Variants in CLSTN2 observed in about 807,000 individuals in gnomAD.
CLSTN2 encodes the protein calsyntenin 2.
A neutral mutation model predicts 101.2 loss-of-function variants in CLSTN2; 48 were observed. That is an observed-to-expected ratio of 0.47 (90% confidence interval 0.38 to 0.60). The LOEUF is 0.60. Among genes scored for constraint, CLSTN2 ranks in the 20% least tolerant of loss-of-function variants. The pLI is 0.00. For missense variants in CLSTN2, 1,160 were observed against 1,238.2 expected, an observed-to-expected ratio of 0.94 and a Z score of 0.95; for synonymous variants, 481 against 463.6, an observed-to-expected ratio of 1.04 and a Z score of -0.48.
At chr3:140,451,937 C>G (rs1933261610) in intron 6 of CLSTN2, among the ~76,000 whole-genome samples, 1 of 152,094 alleles carries the variant, frequency 6.6e-6, no homozygotes, top group Non-Finnish European at 1.5e-5. Context: ...ATGGTCTAAG[C>G]AAGAGATAAT....
intron 12 of CLSTN2, among the ~76,000 whole-genome samples, 170 bp from the exon 13 acceptor site, chr3:140,561,968 C>A (rs921598174): frequency 1.3e-5 from 2 of 152,172 alleles, no homozygotes; most frequent in African/African-American, 4.8e-5. Flanking sequence ...AATTCATCCT[C>A]AGGGATGCCT....
chr3:140,260,335 A>G (rs1198730845), intron 2 of CLSTN2, among the ~76,000 whole-genome samples: 1 of 151,910 alleles, frequency 6.6e-6, no homozygotes, highest in Non-Finnish European at 1.5e-5. Context: ...ATTAAGTATG[A>G]TATTAGAAGT....
rs184637588 is a variant in CLSTN2, at chr3:140,128,637, A to C, written c.110-47314A>C. ...TGATGGAAGTGTGACCTTCCTTTTG[A>C]TGGAGAGGATCAGCTGCATTACAGT... On this transcript the variant is annotated intron_variant, in intron 1 of 16. Transcript: ENST00000458420. 2.2e-3 allele frequency among the ~76,000 whole-genome samples: 332 copies of C among 152,284 alleles called. 1 individual carries two copies. Among genetic ancestry groups the C allele is most frequent in the African/African-American group, 6.0e-3 (248 of 41,566 alleles).
intron 8 of CLSTN2, among the ~76,000 whole-genome samples, chr3:140,483,082 T>G (rs1576592358): frequency 6.6e-6 from 1 of 152,338 alleles, no homozygotes; most frequent in East Asian, 1.9e-4. Context: ...GGGCATTTAG[T>G]GCTATAAATT....
chr3:140,324,424 A>G (rs1343729441), intron 2 of CLSTN2, among the ~76,000 whole-genome samples: 1 of 152,248 alleles, frequency 6.6e-6, no homozygotes, highest in Non-Finnish European at 1.5e-5. Context: ...TAAAGGATGC[A>G]TATACACCAC....
At chr3:140,040,209 T>C (rs1168484703) in intron 1 of CLSTN2, among the ~76,000 whole-genome samples, 1 of 152,178 alleles carries the variant, frequency 6.6e-6, no homozygotes, top group Non-Finnish European at 1.5e-5. Flanking sequence ...TGTCTTTCAA[T>C]GACCCCCTAC....
intron 9 of CLSTN2, among the ~76,000 whole-genome samples, chr3:140,545,532 G>T (rs987865606): frequency 1.2e-4 from 19 of 152,208 alleles, no homozygotes; most frequent in African/African-American, 4.6e-4. Flanking sequence ...TCTATGCGTT[G>T]TTCTTCTTCT....
intron 1 of CLSTN2, among the ~76,000 whole-genome samples, chr3:140,011,987 T>C (rs1393401357): frequency 1.3e-5 from 2 of 151,976 alleles, no homozygotes; most frequent in Non-Finnish European, 2.9e-5. Context: ...AAACCTGAGA[T>C]TCTAATTGTG....
chr3:140,566,508 G>A lies in CLSTN2; in HGVS notation c.*255G>A. ...CCTGTAGCCTCCACTTCTGCCCTAA[G>A]TTCCCCAGCATCCTGACTACCTGTC... On this transcript the variant is annotated 3_prime_UTR_variant, in exon 17 of 17. Transcript: ENST00000458420. 1.9e-6 allele frequency: 1 copy of A among 519,802 alleles called. No homozygotes were observed. Among genetic ancestry groups the A allele is most frequent in the Non-Finnish European group, 3.5e-6 (1 of 289,312 alleles). The allele number at this position is 519,802 out of a possible 1,614,324, so 32.2% of individuals were successfully genotyped here.
chr3:140,427,464 T>G (rs1455120998), intron 5 of CLSTN2, among the ~76,000 whole-genome samples: 1 of 151,844 alleles, frequency 6.6e-6, no homozygotes, highest in African/African-American at 2.4e-5. Context: ...GAGTCCATTT[T>G]AGAGAAAAGA....
At chr3:139,941,706 G>T (rs1339547580) in intron 1 of CLSTN2, among the ~76,000 whole-genome samples, 1 of 152,186 alleles carries the variant, frequency 6.6e-6, no homozygotes, top group African/African-American at 2.4e-5. Context: ...AGGGGCAGGG[G>T]TTTGCACTGG....
intron 5 of CLSTN2, among the ~76,000 whole-genome samples, chr3:140,422,974 A>G (rs531141312): frequency 6.6e-6 from 1 of 152,358 alleles, no homozygotes; most frequent in Admixed American, 6.5e-5. Context: ...GCTCCAATGA[A>G]CGTGTGGCCT....
At chr3:140,456,072 TG>T (rs1469670781) in intron 6 of CLSTN2, among the ~76,000 whole-genome samples, 1 of 152,148 alleles carries the variant, frequency 6.6e-6, no homozygotes, top group Non-Finnish European at 1.5e-5. Flanking sequence ...GTCATATGAT[TG>T]GCCCCCTGAA....
chr3:140,486,165 C>T (rs1000951062), intron 8 of CLSTN2, among the ~76,000 whole-genome samples: 1 of 151,794 alleles, frequency 6.6e-6, no homozygotes, highest in Admixed American at 6.6e-5. Context: ...ATGTGTATGA[C>T]AAACAACATT....
chr3:140,322,057 T>C (rs35501742), intron 2 of CLSTN2, among the ~76,000 whole-genome samples: 73,667 of 152,122 alleles, frequency 0.48, 18,720 homozygotes, highest in Non-Finnish European at 0.58. Context: ...AGGGGAAAGG[T>C]AGCCCTGGGA....
intron 2 of CLSTN2, among the ~76,000 whole-genome samples, chr3:140,352,614 A>T (rs1021430092): frequency 1.3e-5 from 2 of 152,218 alleles, no homozygotes; most frequent in African/African-American, 4.8e-5. Flanking sequence ...ATTAACAATG[A>T]TACTTACCTA....
chr3:140,282,908 A>T (rs1012264914), intron 2 of CLSTN2, among the ~76,000 whole-genome samples: 2 of 152,178 alleles, frequency 1.3e-5, no homozygotes, highest in African/African-American at 4.8e-5. Context: ...GGACTTTTCC[A>T]TCGCAAAAGA....
chr3:140,422,585 A>G (rs1321666118), intron 5 of CLSTN2, among the ~76,000 whole-genome samples: 1 of 152,238 alleles, frequency 6.6e-6, no homozygotes, highest in Non-Finnish European at 1.5e-5. Flanking sequence ...AGTAGAAAAG[A>G]TGAAATGCTC....
intron 1 of CLSTN2, among the ~76,000 whole-genome samples, chr3:139,991,188 A>G (rs1560063617): frequency 6.6e-6 from 1 of 152,254 alleles, no homozygotes; most frequent in African/African-American, 2.4e-5. Flanking sequence ...GGGGCAATAT[A>G]TTGCATACTT....
Sources: allele counts gnomAD v4.1 joint callset (sites outside exome capture counted in the v4.1 genomes callset), GRCh38; gene constraint gnomAD v4.1.1; transcripts MANE v1.5; gene names NCBI Gene and HGNC (gene_info 2026-07-23, HGNC 2026-07-21).